The following AGBL1 variants were observed in gnomAD, a reference collection of about 807,000 sequenced individuals.
AGBL1 encodes the protein cytosolic carboxypeptidase 4.
In AGBL1, 130 loss-of-function variants were observed where a neutral mutation model predicts 118.9. The observed-to-expected ratio is 1.09, with a 90% CI of 0.95 to 1.26. AGBL1 has a LOEUF of 1.26. AGBL1 is among the 50% of genes most tolerant of loss of function. The pLI is 0.00. For synonymous variants in AGBL1, 555 were observed against 478.9 expected (o/e 1.16, Z -2.08); for missense variants, 1,584 against 1,298.1 (o/e 1.22, Z -3.38).
intron 17 of AGBL1, among the ~76,000 whole-genome samples, chr15:86,362,004 T>G (rs2080813071): frequency 6.6e-6 from 1 of 152,188 alleles, no homozygotes; most frequent in African/African-American, 2.4e-5. Context: ...GTTTTGTAGT[T>G]TCTTTCTTTC....
intron 18 of AGBL1, among the ~76,000 whole-genome samples, chr15:86,418,042 A>C (rs891770130): frequency 1.3e-5 from 2 of 152,334 alleles, no homozygotes; most frequent in East Asian, 1.9e-4. Context: ...CACTTATCCC[A>C]GTTTCATCCA....
intron 21 of AGBL1, among the ~76,000 whole-genome samples, chr15:86,639,043 A>G (rs1344478799): frequency 6.6e-6 from 1 of 152,180 alleles, no homozygotes; most frequent in East Asian, 1.9e-4. Flanking sequence ...TTGATGCTGC[A>G]GCTCACTTCA....
chr15:86,826,697 C>G (rs2079016423), intron 22 of AGBL1, among the ~76,000 whole-genome samples: 1 of 152,076 alleles, frequency 6.6e-6, no homozygotes, highest in Non-Finnish European at 1.5e-5. Context: ...GAACTCTGCA[C>G]TAACACAGTA....
chr15:86,993,023 TA>T (rs1399437486), intron 24 of AGBL1, among the ~76,000 whole-genome samples: 1 of 152,170 alleles, frequency 6.6e-6, no homozygotes, highest in East Asian at 1.9e-4. Flanking sequence ...CTAACTGGAA[TA>T]AACACTTCCC....
At chr15:86,132,784 AGCAT>A (rs1253069827) in intron 1 of AGBL1, among the ~76,000 whole-genome samples, 1 of 152,182 alleles carries the variant, frequency 6.6e-6, no homozygotes, top group Non-Finnish European at 1.5e-5. Flanking sequence ...TTCTGCCCAG[AGCAT>A]GCAATCTCAC....
In AGBL1 at chr15:86,098,946, T is replaced by C. The variant is rs191092475; in HGVS notation, c.51+18923T>C. Among the ~76,000 whole-genome samples the C allele has an allele frequency of 5.3e-5, 8 of 152,308 alleles. No individual in the cohort carries two copies. In the East Asian group the frequency reaches 1.3e-3, roughly 26 times the overall value. On this transcript the variant is annotated intron_variant, in intron 1 of 22. Transcript: ENST00000614907. ...TATTAATTCTTCTGATCCATGAGCA[T>C]TGGATGTCTTTCCATTTTTTAGTGT...
rs371020673 is a variant in AGBL1, at chr15:86,423,377, C to G, written c.2555+25831C>G. Among the ~76,000 whole-genome samples, 30 of 152,188 alleles carry G rather than the reference C, an allele frequency of 2.0e-4. 1 individual carries two copies. The highest frequency in any genetic ancestry group is 6.7e-4 in the African/African-American group (28 of 41,532). The stretch of plus-strand genomic sequence containing the variant: ...AAAGCCTTCAATAAAATTCAACAAC[C>G]TTTCATGCAAAAAACTCTCAATAAA... On this transcript the variant is annotated intron_variant, in intron 18 of 22. Transcript: ENST00000614907.
chr15:86,311,902 G>A (rs1216566998), intron 17 of AGBL1, among the ~76,000 whole-genome samples: 2 of 152,182 alleles, frequency 1.3e-5, no homozygotes, highest in East Asian at 1.9e-4. Flanking sequence ...CTTACAGGGC[G>A]GGTGTAATTA....
chr15:86,814,620 G>A (rs1013301182), intron 22 of AGBL1, among the ~76,000 whole-genome samples: 3 of 152,164 alleles, frequency 2.0e-5, no homozygotes, highest in Non-Finnish European at 4.4e-5. Context: ...CTTAGAGTAA[G>A]AGTTGGGACT....
intron 18 of AGBL1, among the ~76,000 whole-genome samples, chr15:86,406,476 A>G (rs141786209): frequency 0.013 from 1,905 of 152,334 alleles, 41 homozygotes; most frequent in African/African-American, 0.042. Context: ...TTCAATATGT[A>G]TAGAGAAAGC....
intron 5 of AGBL1, among the ~76,000 whole-genome samples, chr15:86,185,484 T>A (rs896350017): frequency 6.6e-6 from 1 of 152,090 alleles, no homozygotes; most frequent in African/African-American, 2.4e-5. Flanking sequence ...CTATTCACAA[T>A]AGCAAAGACT....
chr15:86,389,816 G>GA lies in AGBL1; in HGVS notation c.2375-7543dup, dbSNP rs563095543. 5.8e-3 allele frequency among the ~76,000 whole-genome samples: 874 copies of GA among 151,762 alleles called. 6 individuals are homozygous for GA. The highest frequency in any genetic ancestry group is 0.018 in the African/African-American group (745 of 41,422). ...ATAGAGGAGAAAAAAGAAACAATGGGAAAAAAACAATCAATCCAAATGAAG... is the reference window on the plus strand; with the variant it reads ...ATAGAGGAGAAAAAAGAAACAATGGGAAAAAAAACAATCAATCCAAATGAAG... On this transcript the variant is annotated intron_variant, in intron 17 of 22. Transcript: ENST00000614907.
At chr15:86,623,084 G>A (rs1233662953) in intron 21 of AGBL1, among the ~76,000 whole-genome samples, 1 of 152,184 alleles carries the variant, frequency 6.6e-6, no homozygotes, top group Non-Finnish European at 1.5e-5. Context: ...GCGATGGGAG[G>A]TGCCTGTAAA....
chr15:86,330,037 C>G (rs1356398262), intron 17 of AGBL1, among the ~76,000 whole-genome samples: 1 of 152,188 alleles, frequency 6.6e-6, no homozygotes, highest in African/African-American at 2.4e-5. Flanking sequence ...GGTGGCTGCT[C>G]GTTGGATTCT....
intron 24 of AGBL1, among the ~76,000 whole-genome samples, chr15:86,989,026 G>T (rs62034343): frequency 0.13 from 17,009 of 134,766 alleles, 1,066 homozygotes; most frequent in East Asian, 0.15. Context: ...TTAAGAGTCA[G>T]AGTCTTGCTC....
intron 22 of AGBL1, among the ~76,000 whole-genome samples, chr15:86,779,890 G>A (rs2078308066): frequency 6.6e-6 from 1 of 150,570 alleles, no homozygotes; most frequent in African/African-American, 2.4e-5. Context: ...TTCTGATTGA[G>A]TTGGAAAAGT....
intron 17 of AGBL1, among the ~76,000 whole-genome samples, chr15:86,354,749 G>T (rs1193830267): frequency 6.6e-6 from 1 of 152,140 alleles, no homozygotes; most frequent in Non-Finnish European, 1.5e-5. Context: ...CATAGCAAAG[G>T]AATTTTGTAG....
At chr15:86,414,221 G>A (rs569699888) in intron 18 of AGBL1, among the ~76,000 whole-genome samples, 1 of 152,234 alleles carries the variant, frequency 6.6e-6, no homozygotes, top group South Asian at 2.1e-4. Context: ...TACTTAATGA[G>A]TACACTGTAC....
intron 21 of AGBL1, among the ~76,000 whole-genome samples, chr15:86,607,004 T>C (rs1366284042): frequency 7.3e-6 from 1 of 136,734 alleles, no homozygotes; most frequent in Non-Finnish European, 1.6e-5. Flanking sequence ...ATTACTGAAT[T>C]TTAAAAACTC....
Sources: gnomAD v4.1 joint callset for allele counts (sites outside exome capture counted in the v4.1 genomes callset) on GRCh38, gnomAD v4.1.1 for gene constraint, MANE v1.5 for transcripts, NCBI Gene and HGNC (gene_info 2026-07-23, HGNC 2026-07-21) for gene names.